Variants in HDAC9 observed in about 807,000 individuals in gnomAD.
The protein encoded by HDAC9 is MEF-2 interacting transcription repressor (MITR) protein.
In HDAC9, 41 loss-of-function variants were observed where a neutral mutation model predicts 139.4. That is an observed-to-expected ratio of 0.29 (90% CI 0.23 to 0.38). HDAC9 has a LOEUF of 0.38. HDAC9 is among the 10% of genes least tolerant of loss of function. The probability of loss-of-function intolerance (pLI) is 1.00; values close to 1 mark genes in which losing one functional copy is unlikely to be tolerated. For synonymous variants in HDAC9, 517 were observed against 476.2 expected, an observed-to-expected ratio of 1.09 and a Z score of -1.12; for missense variants, 1,147 against 1,297.0, an observed-to-expected ratio of 0.88 and a Z score of 1.78.
At chr7:18,985,167 CA>C (rs1785237223) in intron 25 of HDAC9, among the ~76,000 whole-genome samples, 1 of 152,080 alleles carries the variant, frequency 6.6e-6, no homozygotes, top group African/African-American at 2.4e-5. Context: ...TGGTGCGCTG[CA>C]CCCACTAATT....
chr7:18,164,166 A>G (rs1787844909), intron 2 of HDAC9, among the ~76,000 whole-genome samples: 1 of 152,218 alleles, frequency 6.6e-6, no homozygotes, highest in Non-Finnish European at 1.5e-5. Flanking sequence ...TTATGAATGA[A>G]ATCTGAAGTT....
intron 6 of HDAC9, among the ~76,000 whole-genome samples, chr7:18,606,567 T>C (rs1401294717): frequency 6.6e-6 from 1 of 152,224 alleles, no homozygotes; most frequent in Non-Finnish European, 1.5e-5. Flanking sequence ...GGACTTTTTG[T>C]CGATTTTTGT....
At position 18,595,008 on chromosome 7, in the gene HDAC9, T is replaced by G. The variant is rs532826340; in HGVS notation, c.664+979T>G. Among the ~76,000 whole-genome samples the G allele has an allele frequency of 1.1e-3, 172 of 152,172 alleles. 1 individual carries two copies. Among genetic ancestry groups the G allele is most frequent in the Admixed American group, 2.6e-3 (39 of 15,270 alleles). On this transcript the variant is annotated intron_variant, in intron 6 of 25. Coordinates refer to ENST00000686413, the MANE Select transcript of HDAC9 (RefSeq NM_178425.4). ...TAATTATATTCATTTTCCCAAGCAA[T>G]TTTGAGAAATTAAAATGAATATAGA... is the stretch of plus-strand genomic sequence containing the variant.
rs773964606 is a variant in HDAC9 at position 18,257,401 on chromosome 7, C to CCACACACA, written c.25+95081_25+95088dup. 5.1e-3 allele frequency among the ~76,000 whole-genome samples: 671 copies of CCACACACA among 130,934 alleles called. 4 individuals are homozygous for CCACACACA. The highest frequency in any genetic ancestry group is 0.018 in the African/African-American group (616 of 34,546). 85.9% of individuals were successfully genotyped at this position (130,934 alleles called of 152,430 possible). A position where few individuals can be genotyped will look rare whatever the true frequency, so the allele number is the denominator to read the frequency against. ...CTCTCTCTCTCTCTCTCTGTCTCTC[C>CCACACACA]CACACACACACACACACACACACAC... On this transcript the variant is annotated intron_variant, in intron 2 of 12. Coordinates refer to the HDAC9 transcript ENST00000417496.
chr7:18,451,145 G>C (rs1008241427), intron 1 of HDAC9, among the ~76,000 whole-genome samples: 17 of 152,118 alleles, frequency 1.1e-4, no homozygotes, highest in African/African-American at 4.1e-4. Flanking sequence ...AAACAGGCCT[G>C]AGGGAGCTTG....
At chr7:18,281,596 A>G (rs1025155491) in intron 2 of HDAC9, among the ~76,000 whole-genome samples, 1 of 152,214 alleles carries the variant, frequency 6.6e-6, no homozygotes, top group African/African-American at 2.4e-5. Flanking sequence ...TGAACTATAT[A>G]GCTAATGCTC....
intron 12 of HDAC9, chr7:18,667,832 C>T (rs1795253284): frequency 4.1e-6 from 4 of 983,868 alleles, no homozygotes; most frequent in Admixed American, 6.2e-5. Context: ...ACATTTCCTT[C>T]ATATTCCCTT....
chr7:18,550,154 G>GT (rs1445089949), intron 2 of HDAC9, among the ~76,000 whole-genome samples: 1 of 151,830 alleles, frequency 6.6e-6, no homozygotes, highest in Admixed American at 6.6e-5. Flanking sequence ...CAATCTTTTT[G>GT]TTTTTTAACA....
rs1183520182 is a variant in HDAC9 at position 18,714,580 on chromosome 7, G to C, written c.1732-13000G>C. On this transcript the variant is annotated intron_variant, in intron 12 of 25. Transcript: ENST00000686413. ...CTCTGTGGCATTTACCAGGTGCCCT[G>C]TCACGAGAGTGACTTTCCACATGCT... Among the ~76,000 whole-genome samples, 3 of 152,204 alleles carry C rather than the reference G, an allele frequency of 2.0e-5. No homozygotes were observed. In the East Asian group the frequency reaches 5.8e-4, roughly 29 times the overall value.
At chr7:18,277,214 G>A (rs1796789080) in intron 2 of HDAC9, among the ~76,000 whole-genome samples, 1 of 152,186 alleles carries the variant, frequency 6.6e-6, no homozygotes, top group Admixed American at 6.5e-5. Context: ...TAAAGTTTGT[G>A]CACTCCAGAA....
chr7:18,696,466 T>C (rs1783054580), intron 12 of HDAC9, among the ~76,000 whole-genome samples: 1 of 149,582 alleles, frequency 6.7e-6, no homozygotes, highest in Non-Finnish European at 1.5e-5. Flanking sequence ...GTTGCTTTTC[T>C]TTTTTTGCTT....
chr7:18,893,223 G>A (rs1260892836), intron 22 of HDAC9, among the ~76,000 whole-genome samples: 3 of 151,980 alleles, frequency 2.0e-5, no homozygotes, highest in African/African-American at 7.3e-5. Flanking sequence ...TAAGCTACAG[G>A]GAGATCTGCA....
At chr7:18,921,878 C>G (rs180912932) in intron 22 of HDAC9, among the ~76,000 whole-genome samples, 1 of 152,084 alleles carries the variant, frequency 6.6e-6, no homozygotes, top group Non-Finnish European at 1.5e-5. Flanking sequence ...CACATATGCA[C>G]TATGGAATAC....
intron 12 of HDAC9, among the ~76,000 whole-genome samples, chr7:18,711,087 A>G (rs1451944193): frequency 2.0e-5 from 3 of 152,324 alleles, no homozygotes; most frequent in Admixed American, 2.0e-4. Context: ...AAGTATTTTA[A>G]GTGGATCCTC....
intron 2 of HDAC9, among the ~76,000 whole-genome samples, chr7:18,536,904 A>G (rs1008210668): frequency 6.6e-6 from 1 of 152,220 alleles, no homozygotes; most frequent in Non-Finnish European, 1.5e-5. Flanking sequence ...AAGTTAACAC[A>G]TTTATGAAAT....
intron 1 of HDAC9, among the ~76,000 whole-genome samples, chr7:18,365,192 T>G (rs1784084247): frequency 6.6e-6 from 1 of 152,050 alleles, no homozygotes; most frequent in Admixed American, 6.6e-5. Flanking sequence ...GGCAGGAATG[T>G]TATTGGTAGC....
intron 1 of HDAC9, among the ~76,000 whole-genome samples, chr7:18,098,734 A>G (rs1477258767): frequency 6.6e-6 from 1 of 151,944 alleles, no homozygotes; most frequent in Admixed American, 6.6e-5. Context: ...TTCTATTTCT[A>G]CTTTCAGTCC....
chr7:18,740,479 G>C (rs1415567532), intron 13 of HDAC9, among the ~76,000 whole-genome samples: 3 of 152,190 alleles, frequency 2.0e-5, no homozygotes, highest in African/African-American at 7.2e-5. Context: ...AATCAAGACA[G>C]TGAACTTGGT....
chr7:18,304,754 G>A (rs1049766396), intron 1 of HDAC9, among the ~76,000 whole-genome samples: 2 of 152,148 alleles, frequency 1.3e-5, no homozygotes, highest in African/African-American at 4.8e-5. Context: ...GGGGCAGAGT[G>A]CGTAAGCCAT....
Sources: allele counts gnomAD v4.1 joint callset (sites outside exome capture counted in the v4.1 genomes callset), GRCh38; gene constraint gnomAD v4.1.1; transcripts MANE v1.5; gene names NCBI Gene and HGNC (gene_info 2026-07-23, HGNC 2026-07-21).